Variants in SMG1 observed in about 807,000 individuals in gnomAD.
SMG1 encodes serine/threonine-protein kinase SMG1.
In SMG1, 22 loss-of-function variants were observed where a neutral mutation model predicts 419.9. The observed-to-expected ratio is 0.05, with a 90% CI of 0.04 to 0.07. The LOEUF is 0.07. Among genes scored for constraint, SMG1 ranks in the 10% least tolerant of loss-of-function variants. The pLI, the probability that SMG1 is intolerant of heterozygous loss-of-function variation, is 1.00. For missense variants in SMG1, 3,185 were observed against 4,342.0 expected (o/e 0.73, Z 7.49); for synonymous variants, 1,538 against 1,553.5 (o/e 0.99, Z 0.23).
intron 29 of SMG1, among the ~76,000 whole-genome samples, chr16:18,855,438 C>T (rs558139314): frequency 6.6e-6 from 1 of 152,314 alleles, no homozygotes; most frequent in Admixed American, 6.5e-5. Flanking sequence ...GAAATGCTGA[C>T]AACTGCTGAA....
chr16:18,836,489 G>C lies in SMG1; in HGVS notation c.7648C>G (p.Gln2550Glu). 2.5e-6 allele frequency: 4 copies of C among 1,613,998 alleles called. No homozygotes were observed. The highest frequency in any genetic ancestry group is 3.4e-6 in the Non-Finnish European group (4 of 1,179,894). ...TTCAGCTTCACCTGGATTGCTTCCT[G>C]AACAGCTCTTTGCTGAGTCTGTAGT... ...TQLQTQQRAV[Q>E]EAIQVKLNEF... Residue 2550 changes from glutamine (Q) to glutamate (E), a missense_variant, in exon 47 of 63, where the codon CAG becomes GAG. Physicochemically the swap from Gln to Glu is conservative, Grantham distance 29. This residue lies in a region of SMG1 where 412 missense variants were observed against 546.6 expected (regional missense o/e 0.75). Transcript: ENST00000446231.
intron 38 of SMG1, 38 bp downstream of exon 38, chr16:18,847,415 C>A: frequency 6.2e-7 from 1 of 1,604,080 alleles, no homozygotes; most frequent in Non-Finnish European, 8.5e-7. Flanking sequence ...AACAAAGTGG[C>A]AGCTTCACTG....
At chr16:18,878,090 G>A (rs1188818850) in intron 11 of SMG1, 1 of 152,140 alleles carries the variant, frequency 6.6e-6, no homozygotes. Flanking sequence ...AGTGAGGGGA[G>A]GATATTTATG....
chr16:18,883,567 C>T (rs1347777906), intron 9 of SMG1, among the ~76,000 whole-genome samples: 1 of 152,212 alleles, frequency 6.6e-6, no homozygotes, highest in African/African-American at 2.4e-5. Flanking sequence ...AAGCTTGCAA[C>T]GTTTCTTTTA....
At chr16:18,859,831 A>G in intron 26 of SMG1, 128 bp from the exon 27 acceptor site, 1 of 617,030 alleles carries the variant, frequency 1.6e-6, no homozygotes, top group Admixed American at 3.1e-5. Context: ...GTTAAACACT[A>G]TAAGCATTAC....
chr16:18,912,910 T>C (rs2037845730), intron 1 of SMG1, among the ~76,000 whole-genome samples: 1 of 152,090 alleles, frequency 6.6e-6, no homozygotes, highest in Non-Finnish European at 1.5e-5. Context: ...ATATTTTTAT[T>C]TTTCTTCACG....
At chr16:18,914,262 C>T (rs1399225575) in intron 1 of SMG1, among the ~76,000 whole-genome samples, 3 of 151,898 alleles carry the variant, frequency 2.0e-5, no homozygotes, top group African/African-American at 7.2e-5. Context: ...AAGTCCTACA[C>T]ATATTATATG....
rs181581048 is a variant in SMG1, at chr16:18,870,695, G to A, written c.2407C>T (p.Arg803Cys). ...DLLQRCVDVC[R>C]VQLVHSGTRI... ...GTTCCACTGTGCACTAGTTGAACAC[G>A]GCAAACATCGACACATCTATGAAAG... Residue 803 changes from arginine to cysteine, a missense_variant, in exon 18 of 63, where the codon CGT (arginine) becomes TGT (cysteine). Physicochemically the swap from Arg to Cys is radical, Grantham distance 180. Coordinates refer to ENST00000446231, the MANE Select transcript of SMG1 (RefSeq NM_015092.5). 2.6e-4 allele frequency: 426 copies of A among 1,608,096 alleles called. No individual in the cohort carries two copies. Among genetic ancestry groups the A allele is most frequent in the Non-Finnish European group, 2.5e-4 (294 of 1,177,898 alleles).
At chr16:18,919,650 G>GTA (rs1555507750) in intron 1 of SMG1, among the ~76,000 whole-genome samples, 10 of 82,004 alleles carry the variant, frequency 1.2e-4, no homozygotes, top group East Asian at 1.2e-3. Context: ...GTGTGTGTGT[G>GTA]TATATATACA....
Position 18,830,424 on chromosome 16 carries a change from G to A in SMG1, c.8793-55C>T, listed in dbSNP as rs2033089584. On this transcript the variant is annotated intron_variant, in intron 51 of 62. Coordinates refer to ENST00000446231, the MANE Select transcript of SMG1 (RefSeq NM_015092.5). Reference sequence around the variant, plus strand: ...TCGCTGAAAAGTAATGCCTTTGGTGGGAACATACAAAGTCAGTACATCTCA... The same window carrying A: ...TCGCTGAAAAGTAATGCCTTTGGTGAGAACATACAAAGTCAGTACATCTCA... The A allele has an allele frequency of 3.8e-6, 6 of 1,582,404 alleles. No individual in the cohort carries two copies. In the South Asian group the frequency reaches 4.5e-5, roughly 12 times the overall value.
At chr16:18,809,830 C>T (rs2031203290) in intron 62 of SMG1, among the ~76,000 whole-genome samples, 184 bp from the exon 63 acceptor site, 1 of 151,962 alleles carries the variant, frequency 6.6e-6, no homozygotes, top group South Asian at 2.1e-4. Context: ...AGCACAATAA[C>T]CAAGTATACT....
chr16:18,916,482 CTCCA>C (rs1328232447), intron 1 of SMG1, among the ~76,000 whole-genome samples: 1 of 137,742 alleles, frequency 7.3e-6, no homozygotes, highest in Non-Finnish European at 1.5e-5. Flanking sequence ...TGCCACTGCA[CTCCA>C]GCGTGGGCGA....
At chr16:18,866,540 T>C in intron 23 of SMG1, 81 bp downstream of exon 23, 1 of 1,266,620 alleles carries the variant, frequency 7.9e-7, no homozygotes, top group Non-Finnish European at 1.1e-6. Context: ...TGTTTTAAGA[T>C]TTGGCTACAA....
chr16:18,827,915 G>A, intron 55 of SMG1, 116 bp downstream of exon 55: 1 of 957,006 alleles, frequency 1.0e-6, no homozygotes, highest in Non-Finnish European at 1.4e-6. Flanking sequence ...ATGCTCTTCT[G>A]GCTTACAAGC....
At chr16:18,835,734 T>C (rs1023452803) in intron 48 of SMG1, among the ~76,000 whole-genome samples, 199 bp downstream of exon 48, 1 of 152,052 alleles carries the variant, frequency 6.6e-6, no homozygotes, top group Non-Finnish European at 1.5e-5. Flanking sequence ...TGAAACCCCG[T>C]CTGTACTAAA....
At chr16:18,827,706 TA>T (rs1195751849) in intron 55 of SMG1, among the ~76,000 whole-genome samples, 4 of 142,800 alleles carry the variant, frequency 2.8e-5, no homozygotes, top group African/African-American at 1.1e-4. Context: ...ATATATATTT[TA>T]TATATATATT....
Position 18,853,830 on chromosome 16 carries a change from A to G in SMG1, c.4521T>C (p.Cys1507=). Residue 1507 remains cysteine (C), a synonymous_variant, in exon 31 of 63, where the codon TGT becomes TGC. Coordinates refer to ENST00000446231, the MANE Select transcript of SMG1 (RefSeq NM_015092.5). Reference sequence around the variant, plus strand: ...TCACAGACTTGCAGAAAGATATGGCACAAGAACTCAACATTTCCATTGCAT... The same window carrying G: ...TCACAGACTTGCAGAAAGATATGGCGCAAGAACTCAACATTTCCATTGCAT... ...STHAMEMLSS[C]AISFCKSVKA... 6.2e-7 allele frequency: 1 copy of G among 1,613,226 alleles called. No individual in the cohort carries two copies. Among genetic ancestry groups the G allele is most frequent in the South Asian group, 1.1e-5 (1 of 90,882 alleles).
intron 3 of SMG1, among the ~76,000 whole-genome samples, chr16:18,893,399 C>G (rs1250645046): frequency 6.6e-6 from 1 of 152,128 alleles, no homozygotes; most frequent in Admixed American, 6.6e-5. Flanking sequence ...CCAAGGCAGG[C>G]AGATCACTTG....
intron 38 of SMG1, among the ~76,000 whole-genome samples, chr16:18,846,701 T>C (rs1469360283): frequency 6.6e-6 from 1 of 151,966 alleles, no homozygotes; most frequent in African/African-American, 2.4e-5. Flanking sequence ...CAACAGCTAT[T>C]ATCAAAAAAA....
Sources: gnomAD v4.1 joint callset for allele counts (sites outside exome capture counted in the v4.1 genomes callset) on GRCh38, gnomAD v4.1.1 for gene constraint, gnomAD v4.1.1 regional missense constraint, MANE v1.5 for transcripts, NCBI Gene and HGNC (gene_info 2026-07-23, HGNC 2026-07-21) for gene names.